Variants in SPMIP2 observed in about 807,000 individuals in gnomAD.
The protein encoded by SPMIP2 is protein SPMIP2.
At chr4:158,980,954 T>C in the SPMIP2 span, among the ~76,000 whole-genome samples, 1 of 151,862 alleles carries the variant, frequency 6.6e-6, no homozygotes, top group Non-Finnish European at 1.5e-5. Context: ...AGGAAGAACC[T>C]TGAAAAAAGG....
the SPMIP2 span, among the ~76,000 whole-genome samples, chr4:158,937,853 G>C: frequency 4.1e-3 from 617 of 152,290 alleles, 2 homozygotes; most frequent in Non-Finnish European, 7.1e-3. Flanking sequence ...TGGGTACTAA[G>C]AGGTTATTTG....
the SPMIP2 span, among the ~76,000 whole-genome samples, chr4:158,928,338 A>G: frequency 1.3e-5 from 2 of 151,216 alleles, no homozygotes; most frequent in East Asian, 1.9e-4. Context: ...GATTGTAAAT[A>G]CACCAATCGG....
the SPMIP2 span, among the ~76,000 whole-genome samples, chr4:159,080,542 C>A: frequency 6.6e-6 from 1 of 152,128 alleles, no homozygotes; most frequent in African/African-American, 2.4e-5. Flanking sequence ...TGAGCTAATT[C>A]ATAAATGGGC....
the SPMIP2 span, among the ~76,000 whole-genome samples, chr4:158,983,073 G>GA: frequency 6.6e-6 from 1 of 152,130 alleles, no homozygotes; most frequent in African/African-American, 2.4e-5. Context: ...GATGGAAGAT[G>GA]AAATGAATGA....
the SPMIP2 span, among the ~76,000 whole-genome samples, chr4:159,048,609 T>C: frequency 6.6e-5 from 10 of 151,956 alleles, no homozygotes; most frequent in Admixed American, 3.3e-4. Context: ...GCACGGTTTT[T>C]CCTCCCACAT....
the SPMIP2 span, among the ~76,000 whole-genome samples, chr4:159,010,550 C>T: frequency 3.9e-5 from 6 of 152,144 alleles, no homozygotes; most frequent in Non-Finnish European, 8.8e-5. Context: ...TTCTTTCAGG[C>T]GTTCATGTAA....
the SPMIP2 span, among the ~76,000 whole-genome samples, chr4:159,018,762 G>C: frequency 6.6e-6 from 1 of 152,072 alleles, no homozygotes; most frequent in African/African-American, 2.4e-5. Context: ...GAAGTCAACA[G>C]GTGGTTTTGA....
chr4:158,893,712 C>A, the SPMIP2 span: 1 of 1,585,652 alleles, frequency 6.3e-7, no homozygotes, highest in African/African-American at 1.3e-5. Flanking sequence ...GTTAATGTTT[C>A]CTTTTCTGTA....
chr4:158,922,718 C>T, the SPMIP2 span, among the ~76,000 whole-genome samples: 5 of 152,142 alleles, frequency 3.3e-5, no homozygotes, highest in Non-Finnish European at 7.4e-5. Flanking sequence ...TCACCAACCC[C>T]AAAAAGATAC....
the SPMIP2 span, among the ~76,000 whole-genome samples, chr4:159,053,934 G>C: frequency 6.6e-6 from 1 of 150,402 alleles, no homozygotes; most frequent in Non-Finnish European, 1.5e-5. Flanking sequence ...AAAAAAAAGA[G>C]AGAAAGAGAA....
chr4:159,081,541 A>G, the SPMIP2 span, among the ~76,000 whole-genome samples: 5 of 152,128 alleles, frequency 3.3e-5, no homozygotes, highest in East Asian at 9.8e-4. Flanking sequence ...AAATATAAAA[A>G]TTAGCTTGGT....
chr4:159,032,622 C>T, the SPMIP2 span, among the ~76,000 whole-genome samples: 2 of 151,992 alleles, frequency 1.3e-5, no homozygotes, highest in African/African-American at 4.8e-5. Flanking sequence ...GAAAACCCAA[C>T]CCAAACTGGC....
the SPMIP2 span, chr4:159,035,102 A>G: frequency 1.2e-6 from 2 of 1,611,628 alleles, no homozygotes; most frequent in East Asian, 4.5e-5. Flanking sequence ...GCCATGGCTA[A>G]AGTCTTAACC....
the SPMIP2 span, among the ~76,000 whole-genome samples, chr4:158,989,793 G>A: frequency 1.1e-4 from 17 of 152,230 alleles, no homozygotes; most frequent in South Asian, 3.3e-3. Context: ...AGAAAACCTA[G>A]GCAATACCAT....
chr4:159,007,724 G>A, the SPMIP2 span: 11 of 666,970 alleles, frequency 1.6e-5, no homozygotes, highest in Non-Finnish European at 2.7e-6. Flanking sequence ...GGGAGCTCAG[G>A]GCCATGGTGC....
the SPMIP2 span, chr4:158,893,557 G>A: frequency 3.1e-5 from 20 of 636,204 alleles, no homozygotes. Flanking sequence ...GTTTATTTGG[G>A]CTTTAAGCTG....
the SPMIP2 span, among the ~76,000 whole-genome samples, chr4:159,049,993 T>C: frequency 3.0e-4 from 46 of 152,318 alleles, no homozygotes; most frequent in South Asian, 8.7e-3. Flanking sequence ...CTTGATAACA[T>C]GTCAAGTAAC....
the SPMIP2 span, among the ~76,000 whole-genome samples, chr4:159,057,586 T>C: frequency 6.6e-6 from 1 of 152,212 alleles, no homozygotes. Flanking sequence ...ATGTTCATTT[T>C]TGAAAATTTT....
At chr4:159,020,471 C>T in the SPMIP2 span, among the ~76,000 whole-genome samples, 9 of 152,270 alleles carry the variant, frequency 5.9e-5, no homozygotes, top group African/African-American at 2.2e-4. Flanking sequence ...TTTATCTACT[C>T]AGTTGTGTCC....
Sources: gnomAD v4.1 joint callset for allele counts (sites outside exome capture counted in the v4.1 genomes callset) on GRCh38, gnomAD v4.1.1 for gene constraint, MANE v1.5 for transcripts, NCBI Gene and HGNC (gene_info 2026-07-23, HGNC 2026-07-21) for gene names.